UGT1A3: variants seen among roughly 807,000 people sequenced by gnomAD.
The protein encoded by UGT1A3 is UDP glucuronosyltransferase family 1 member A3, also known as UDP-glucuronosyltransferase 1A3.
Under a neutral mutation model 41.0 loss-of-function variants are expected in UGT1A3, and 31 were observed. The ratio of observed to expected loss-of-function variants is 0.76; its 90% confidence interval spans 0.57 to 1.02. UGT1A3 has a LOEUF of 1.02. Ranked by LOEUF, UGT1A3 falls within the 50% of genes least tolerant of loss-of-function variation. UGT1A3 has a pLI of 0.00. For synonymous variants in UGT1A3, 262 were observed against 257.6 expected (o/e 1.02, Z -0.17); for missense variants, 737 against 671.0 (o/e 1.10, Z -1.09).
intron 1 of UGT1A3, chr2:233,748,172 T>A: frequency 6.3e-7 from 1 of 1,584,752 alleles, no homozygotes; most frequent in Non-Finnish European, 8.6e-7. Context: ...TCTACTTATC[T>A]TTCTGGTGCT....
At position 233,767,866 on chromosome 2, in the gene UGT1A3, T is replaced by G. The variant is rs772563329; in HGVS notation, c.1017T>G (p.Thr339=). Reference sequence around the variant, plus strand: ...CCTCCCAGGTCCTGTGGCGGTACACTGGAACCCGACCATCGAATCTTGCGA... The same window carrying G: ...CCTCCCAGGTCCTGTGGCGGTACACGGGAACCCGACCATCGAATCTTGCGA... ...KIPQTVLWRY[T]GTRPSNLANN... The change falls in exon 3 of 5, where the codon ACT becomes ACG. Residue 339 remains threonine (T), a synonymous_variant. Coordinates refer to ENST00000482026, the MANE Select transcript of UGT1A3 (RefSeq NM_019093.4). The G allele has an allele frequency of 3.1e-6, 5 of 1,614,214 alleles. No individual in the cohort carries two copies. The highest frequency in any genetic ancestry group is 4.2e-6 in the Non-Finnish European group (5 of 1,180,038).
At chr2:233,745,298 A>G (rs1339213768) in intron 1 of UGT1A3, among the ~76,000 whole-genome samples, 1 of 151,884 alleles carries the variant, frequency 6.6e-6, no homozygotes, top group East Asian at 1.9e-4. Flanking sequence ...TAAACGTGGG[A>G]TGCAGTGATT....
chr2:233,739,705 T>C (rs887179684), intron 1 of UGT1A3, among the ~76,000 whole-genome samples: 3 of 152,188 alleles, frequency 2.0e-5, no homozygotes, highest in African/African-American at 7.2e-5. Flanking sequence ...TACAGGCTCA[T>C]GGGGGAAGGG....
chr2:233,747,319 A>G (rs867833419), intron 1 of UGT1A3: 39 of 1,603,648 alleles, frequency 2.4e-5, no homozygotes, highest in Middle Eastern at 3.3e-4. Context: ...GGTGGTACCC[A>G]TTGATGGCAG....
chr2:233,767,044 C>T lies in UGT1A3; in HGVS notation c.878C>T (p.Ala293Val), dbSNP rs758873309. The T allele has an allele frequency of 6.2e-7, 1 of 1,613,992 alleles. No individual in the cohort carries two copies. The highest frequency in any genetic ancestry group is 1.1e-5 in the South Asian group (1 of 91,046). ...TTCTTCTGGCTCTAGGAATTTGAAG[C>T]CTACATTAATGCTTCTGGAGAACAT... ...NRKPLSQEFE[A>V]YINASGEHGI... is the part of the protein sequence containing the mutation. The change falls in exon 2 of 5, where the codon GCC becomes GTC. Residue 293 changes from alanine to valine, a missense_variant. Ala to Val is a moderately conservative substitution (Grantham distance 64). Coordinates refer to ENST00000482026, the MANE Select transcript of UGT1A3 (RefSeq NM_019093.4).
At chr2:233,733,656 C>T (rs1449340604) in intron 1 of UGT1A3, among the ~76,000 whole-genome samples, 11 of 152,054 alleles carry the variant, frequency 7.2e-5, no homozygotes, top group African/African-American at 1.7e-4. Context: ...AGGATGAAGC[C>T]GACTTGATCG....
chr2:233,755,278 G>T, intron 1 of UGT1A3: 4 of 710,378 alleles, frequency 5.6e-6, no homozygotes, highest in Non-Finnish European at 8.6e-6. Flanking sequence ...ATGCTGGACT[G>T]CCAAAGAGCC....
In UGT1A3 at chr2:233,769,856, TCA is replaced by T; in HGVS notation, c.1307+1418_1307+1419del. 4.3e-5 allele frequency: 14 copies of T among 322,422 alleles called. No individual in the cohort carries two copies. Among genetic ancestry groups the T allele is most frequent in the Admixed American group, 5.6e-5 (1 of 17,838 alleles). The allele number at this position is 322,422 out of a possible 1,614,324, so 20.0% of individuals were successfully genotyped here. A position where few individuals can be genotyped will look rare whatever the true frequency, so the allele number is the denominator to read the frequency against. ...CTGGGCAACAGAGTGAGACCCTGTC[TCA>T]AAAAAAAAAAAAAAAATGAAAAGTC... On this transcript the variant is annotated intron_variant, in intron 4 of 4. Transcript: ENST00000482026. The surrounding 1 kb of genome is among the most constrained non-coding windows in gnomAD (Gnocchi z 4.4).
chr2:233,760,847 C>A, intron 1 of UGT1A3: 1 of 1,614,018 alleles, frequency 6.2e-7, no homozygotes, highest in South Asian at 1.1e-5. Flanking sequence ...ACCCAGTGCC[C>A]CAACCCATTC....
In UGT1A3 at chr2:233,729,707, T is replaced by C. The variant is rs2125746901; in HGVS notation, c.581T>C (p.Ile194Thr). 1 of 1,613,988 alleles carries C rather than the reference T, an allele frequency of 6.2e-7. No homozygotes were observed. The highest frequency in any genetic ancestry group is 8.5e-7 in the Non-Finnish European group (1 of 1,179,864). ...GTQCPNPSSY[I>T]PRLLTTNSDH... ...CAGTGTCCAAACCCTTCCTCCTATATTCCTAGATTACTAACAACCAATTCA... is the reference window on the plus strand; with the variant it reads ...CAGTGTCCAAACCCTTCCTCCTATACTCCTAGATTACTAACAACCAATTCA... Residue 194 changes from isoleucine to threonine, a missense_variant, in exon 1 of 5, where the codon ATT (isoleucine) becomes ACT (threonine). Transcript: ENST00000482026.
At chr2:233,754,028 T>C (rs751344508) in intron 1 of UGT1A3, among the ~76,000 whole-genome samples, 3 of 152,268 alleles carry the variant, frequency 2.0e-5, no homozygotes, top group African/African-American at 7.2e-5. Context: ...AGGAAACGAA[T>C]GCATCCACTT....
chr2:233,737,911 GGC>G (rs1690629306), intron 1 of UGT1A3, among the ~76,000 whole-genome samples: 4 of 152,098 alleles, frequency 2.6e-5, no homozygotes, highest in African/African-American at 4.8e-5. Flanking sequence ...GTAAAGAACA[GGC>G]TAGTGTATTT....
At chr2:233,743,546 C>A (rs1478983840) in intron 1 of UGT1A3, 1 of 1,367,310 alleles carries the variant, frequency 7.3e-7, no homozygotes, top group African/African-American at 1.5e-5. Context: ...CTCTGACCCC[C>A]CCAAAATATT....
At chr2:233,767,325 T>C (rs1479941821) in intron 2 of UGT1A3, among the ~76,000 whole-genome samples, 160 bp downstream of exon 2, 1 of 152,210 alleles carries the variant, frequency 6.6e-6, no homozygotes, top group Non-Finnish European at 1.5e-5. Flanking sequence ...TTGTTGTGGT[T>C]GTTGTCATTG....
In UGT1A3 at chr2:233,768,381, C is replaced by T. The variant is rs764290725; in HGVS notation, c.1249C>T (p.Leu417=). 1.9e-6 allele frequency: 3 copies of T among 1,614,120 alleles called. No individual in the cohort carries two copies. Among genetic ancestry groups the T allele is most frequent in the Non-Finnish European group, 2.5e-6 (3 of 1,180,032 alleles). ...TKGAGVTLNV[L]EMTSEDLENA... ...GGGAGCTGGAGTGACCCTGAATGTT[C>T]TGGAAATGACTTCTGAAGATTTAGA... Residue 417 remains leucine (L), a synonymous_variant, in exon 4 of 5, where the codon CTG becomes TTG. Transcript: ENST00000482026.
intron 1 of UGT1A3, among the ~76,000 whole-genome samples, chr2:233,763,945 G>A (rs1405755046): frequency 6.6e-6 from 1 of 152,190 alleles, no homozygotes; most frequent in Non-Finnish European, 1.5e-5. Context: ...GGAAAGCTTG[G>A]GAGCAGGGAA....
intron 1 of UGT1A3, among the ~76,000 whole-genome samples, chr2:233,734,585 A>G (rs1334930397): frequency 1.3e-5 from 2 of 151,422 alleles, no homozygotes; most frequent in African/African-American, 4.9e-5. Context: ...TTGCTTATCT[A>G]GTTCTTTTAT....
At chr2:233,753,341 CCTG>C (rs138147580) in intron 1 of UGT1A3, 5,646 of 152,328 alleles carry the variant, frequency 0.037, 136 homozygotes, top group Non-Finnish European at 0.057. Context: ...CTGCCATTTT[CCTG>C]CTGTTTATTA....
chr2:233,768,376 A>G lies in UGT1A3; in HGVS notation c.1244A>G (p.Asn415Ser). The G allele has an allele frequency of 6.2e-7, 1 of 1,614,182 alleles. No homozygotes were observed. The highest frequency in any genetic ancestry group is 8.5e-7 in the Non-Finnish European group (1 of 1,180,034). ...ACTAAGGGAGCTGGAGTGACCCTGA[A>G]TGTTCTGGAAATGACTTCTGAAGAT... is the stretch of plus-strand genomic sequence containing the variant. ...METKGAGVTLNVLEMTSEDLE... is the reference protein window; with the variant it reads ...METKGAGVTLSVLEMTSEDLE... Residue 415 changes from asparagine (N) to serine (S), a missense_variant, in exon 4 of 5, where the codon AAT becomes AGT. Physicochemically the swap from Asn to Ser is conservative, Grantham distance 46 (BLOSUM62 1). Transcript: ENST00000482026.
Sources: gnomAD v4.1 joint callset for allele counts (sites outside exome capture counted in the v4.1 genomes callset) on GRCh38, gnomAD v4.1.1 for gene constraint, Gnocchi (gnomAD v3.1) non-coding constraint, MANE v1.5 for transcripts, NCBI Gene and HGNC (gene_info 2026-07-23, HGNC 2026-07-21) for gene names.